The following NRK variants were observed in gnomAD, a reference collection of about 807,000 sequenced individuals.
The protein encoded by NRK is nik-related protein kinase.
A neutral mutation model predicts 125.2 loss-of-function variants in NRK; 67 were observed. The observed-to-expected ratio is 0.54, with a 90% CI of 0.44 to 0.66. The LOEUF (loss-of-function observed/expected upper bound fraction) is 0.66, where lower values mean the gene tolerates loss of function less well. Ranked by LOEUF, NRK falls within the 30% of genes least tolerant of loss-of-function variation. The probability of loss-of-function intolerance (pLI) is 0.00; values close to 1 mark genes in which losing one functional copy is unlikely to be tolerated. For synonymous variants in NRK, 458 were observed against 429.0 expected (o/e 1.07, Z -0.84); for missense variants, 1,224 against 1,192.9 (o/e 1.03, Z -0.38).
At chrX:105,822,292 C>CGGGGGCAGGGGT (rs752867462), upstream of NRK, among the ~76,000 whole-genome samples, 1 of 69,721 alleles carries the variant, frequency 1.4e-5, no homozygotes, top group Non-Finnish European at 2.7e-5. Flanking sequence ...GGGGCAGGGG[C>CGGGGGCAGGGGT]GGCTGGCGCA....
intron 4 of NRK, among the ~76,000 whole-genome samples, chrX:105,886,181 A>G (rs1046939111): frequency 1.8e-5 from 2 of 109,775 alleles, no homozygotes; most frequent in African/African-American, 6.6e-5. Flanking sequence ...TTGTCCCCTG[A>G]GTGCCAGACC....
chrX:105,895,204 G>T (rs1201628684), intron 6 of NRK: 5 of 503,407 alleles, frequency 9.9e-6, no homozygotes, highest in East Asian at 3.6e-5. Flanking sequence ...CTTTTTTTTC[G>T]TGGGTGTCCT....
chrX:105,902,637 G>A (rs969715008), intron 9 of NRK, among the ~76,000 whole-genome samples: 11 of 111,937 alleles, frequency 9.8e-5, no homozygotes, highest in Non-Finnish European at 1.9e-4. Flanking sequence ...CCCAAACCCT[G>A]GGCCACACAG....
rs769090949 is a variant in NRK at position 105,895,426 on chromosome X, T to C, written c.490-7T>C. The C allele has an allele frequency of 4.3e-6, 5 of 1,169,756 alleles. No homozygotes were observed. The highest frequency in any genetic ancestry group is 5.8e-6 in the Non-Finnish European group (5 of 858,431). ...TACTGATGTGGCTTTTTAAAAAATA[T>C]ATACAGGGCTTAGCTCACCTTCACG... On this transcript the variant is annotated splice_region_variant and splice_polypyrimidine_tract_variant and intron_variant, in intron 6 of 28. Coordinates refer to ENST00000243300, the MANE Select transcript of NRK (RefSeq NM_198465.4).
intron 2 of NRK, among the ~76,000 whole-genome samples, chrX:105,849,280 G>A (rs2039440133): frequency 9.0e-6 from 1 of 111,568 alleles, no homozygotes; most frequent in African/African-American, 3.3e-5. Context: ...CATGAGAATA[G>A]CATGGGAAAG....
At chrX:105,950,429 C>CAAA (rs2040875625) in intron 27 of NRK, among the ~76,000 whole-genome samples, 1 of 108,579 alleles carries the variant, frequency 9.2e-6, no homozygotes, top group South Asian at 4.0e-4. Context: ...ATAATGCATA[C>CAAA]AAAAAGTAAA....
Position 105,905,333 on chromosome X carries a change from T to A in NRK, c.835T>A (p.Ser279Thr). ...ILRESAPTVK[S>T]SGWSRKFHNF... ...GCGGGAATCTGCTCCCACAGTCAAA[T>A]CCAGCGGATGGTAAAGATGAATGTC... The change falls in exon 10 of 29, where the codon TCC becomes ACC. Residue 279 changes from serine (S) to threonine (T), a missense_variant. Coordinates refer to ENST00000243300, the MANE Select transcript of NRK (RefSeq NM_198465.4). The A allele has an allele frequency of 8.4e-7, 1 of 1,184,699 alleles. No homozygotes were observed. The highest frequency in any genetic ancestry group is 1.1e-6 in the Non-Finnish European group (1 of 872,058).
intron 2 of NRK, among the ~76,000 whole-genome samples, chrX:105,867,022 A>G (rs1266838954): frequency 9.0e-6 from 1 of 111,210 alleles, no homozygotes; most frequent in Admixed American, 9.6e-5. Context: ...GGATAGTGAA[A>G]ACATATACCT....
At chrX:105,946,160 A>G in intron 25 of NRK, 145 bp downstream of exon 25, 1 of 745,838 alleles carries the variant, frequency 1.3e-6, no homozygotes, top group South Asian at 2.8e-5. Context: ...GTCTAAGAAA[A>G]ACTGTAATAC....
In NRK at chrX:105,917,689, A is replaced by G. The variant is rs1190174192; in HGVS notation, c.2512+17A>G. The G allele has an allele frequency of 2.1e-6, 2 of 954,160 alleles. No individual in the cohort carries two copies. Among genetic ancestry groups the G allele is most frequent in the Admixed American group, 5.9e-5 (2 of 33,858 alleles). 78.6% of individuals were successfully genotyped at this position (954,160 alleles called of 1,213,427 possible). A position where few individuals can be genotyped will look rare whatever the true frequency, so the allele number is the denominator to read the frequency against. The stretch of plus-strand genomic sequence containing the variant: ...CAGCATCAGGTGATTCAAAGCACAA[A>G]ATTTTAGCAGGCAAAACACAGAGCT... On this transcript the variant is annotated intron_variant, in intron 16 of 28. Coordinates refer to ENST00000243300, the MANE Select transcript of NRK (RefSeq NM_198465.4).
chrX:105,913,245 T>C (rs1177277152), intron 14 of NRK, among the ~76,000 whole-genome samples: 1 of 111,955 alleles, frequency 8.9e-6, no homozygotes, highest in African/African-American at 3.2e-5. Flanking sequence ...GAGTAAATTA[T>C]TGAATAATGT....
rs767769930 is a variant in NRK, at chrX:105,909,381, A to G, written c.1740A>G (p.Ser580=). ...QAETEAEEPE[S]LRVNAQVFLP... ...AGACTGAGGCAGAGGAACCTGAGTC[A>G]TTACGAGTAAATGCCCAGGTATTTC... The change falls in exon 13 of 29, where the codon TCA becomes TCG. Residue 580 remains serine, a synonymous_variant. Transcript: ENST00000243300. The G allele has an allele frequency of 2.3e-4, 275 of 1,203,988 alleles. 1 individual carries two copies. Among genetic ancestry groups the G allele is most frequent in the Non-Finnish European group, 3.0e-4 (264 of 891,848 alleles).
At chrX:105,861,952 A>T (rs2039607413) in intron 2 of NRK, among the ~76,000 whole-genome samples, 1 of 111,426 alleles carries the variant, frequency 9.0e-6, no homozygotes, top group Non-Finnish European at 1.9e-5. Flanking sequence ...AATCCCAGCT[A>T]ATCAGGAGGC....
chrX:105,946,104 T>C (rs758498509), intron 25 of NRK, 89 bp downstream of exon 25: 4 of 941,362 alleles, frequency 4.2e-6, no homozygotes, highest in African/African-American at 2.0e-5. Context: ...AGAAACTCAA[T>C]ATTTTGAAGC....
At chrX:105,839,725 G>A (rs964606078) in intron 2 of NRK, among the ~76,000 whole-genome samples, 10 of 111,246 alleles carry the variant, frequency 9.0e-5, no homozygotes, top group African/African-American at 1.3e-4. Context: ...TTTTAGGAGC[G>A]GTCATTTTTA....
chrX:105,955,543 G>A lies in NRK; in HGVS notation c.4692G>A (p.Arg1564=), dbSNP rs762817931. Residue 1564 remains arginine, a synonymous_variant, in exon 29 of 29, where the codon CGG becomes CGA. Transcript: ENST00000243300. ...CTACCCTGCGCAATCACCACAGCCGGGTTTACTTCATGACACTTGGAAAAC... is the reference window on the plus strand; with the variant it reads ...CTACCCTGCGCAATCACCACAGCCGAGTTTACTTCATGACACTTGGAAAAC... ...FTSTLRNHHS[R]VYFMTLGKLE... is the part of the protein sequence containing the mutation. The A allele has an allele frequency of 8.4e-7, 1 of 1,194,588 alleles. No homozygotes were observed. The highest frequency in any genetic ancestry group is 1.1e-6 in the Non-Finnish European group (1 of 884,616).
intron 17 of NRK, among the ~76,000 whole-genome samples, 165 bp from the exon 18 acceptor site, chrX:105,922,953 G>A (rs2040471685): frequency 9.0e-6 from 1 of 110,879 alleles, no homozygotes; most frequent in South Asian, 3.8e-4. Context: ...TCTGATGTTT[G>A]GGTTTTGACA....
At position 105,947,442 on chromosome X, in the gene NRK, CA is replaced by C. The variant is rs753072138; in HGVS notation, c.4353+999del. ...TGGGCGACAGAGCGAGACTCCGTCT[CA>C]AAAAAAAAAAAAAAAAAAAAGAAAG... On this transcript the variant is annotated intron_variant, in intron 26 of 28. Coordinates refer to ENST00000243300, the MANE Select transcript of NRK (RefSeq NM_198465.4). Among the ~76,000 whole-genome samples, 95 of 17,775 alleles carry C rather than the reference CA, an allele frequency of 5.3e-3. 4 individuals carry two copies. The highest frequency in any genetic ancestry group is 0.017 in the South Asian group (6 of 360). 15.4% of individuals were successfully genotyped at this position (17,775 alleles called of 115,157 possible).
intron 1 of NRK, among the ~76,000 whole-genome samples, chrX:105,826,381 CATATATATAAT>C (rs1232531633): frequency 4.2e-5 from 3 of 72,130 alleles, no homozygotes; most frequent in Admixed American, 1.7e-4. Context: ...TATATATTAT[CATATATATAAT>C]ATATATATAA....
Sources: allele counts gnomAD v4.1 joint callset (sites outside exome capture counted in the v4.1 genomes callset), GRCh38; gene constraint gnomAD v4.1.1; transcripts MANE v1.5; gene names NCBI Gene and HGNC (gene_info 2026-07-23, HGNC 2026-07-21).